The following GRK7 variants were observed in gnomAD, a reference collection of about 807,000 sequenced individuals.
GRK7 encodes rhodopsin kinase GRK7.
A neutral mutation model predicts 34.1 loss-of-function variants in GRK7; 24 were observed. The observed-to-expected ratio is 0.70, with a 90% confidence interval of 0.51 to 0.99. GRK7 has a LOEUF of 0.99. GRK7 is among the 50% of genes least tolerant of loss of function. The pLI is 0.00. For synonymous variants in GRK7, 256 were observed against 279.4 expected, an observed-to-expected ratio of 0.92 and a Z score of 0.84; for missense variants, 644 against 707.3, an observed-to-expected ratio of 0.91 and a Z score of 1.02.
chr3:141,772,016 C>T (rs1432816299), intron 1 of GRK7, among the ~76,000 whole-genome samples: 1 of 152,010 alleles, frequency 6.6e-6, no homozygotes, highest in Non-Finnish European at 1.5e-5. Context: ...ACAACAACAA[C>T]AAAAGTTGTT....
At chr3:141,792,771 T>A (rs903989568) in intron 4 of GRK7, among the ~76,000 whole-genome samples, 2 of 152,196 alleles carry the variant, frequency 1.3e-5, no homozygotes, top group Non-Finnish European at 2.9e-5. Context: ...TATTAATGAG[T>A]TGACTGATGG....
At chr3:141,798,981 A>ACAC (rs1710922192) in intron 4 of GRK7, among the ~76,000 whole-genome samples, 1 of 152,154 alleles carries the variant, frequency 6.6e-6, no homozygotes, top group Non-Finnish European at 1.5e-5. Flanking sequence ...CAGGGGGTCT[A>ACAC]CAGTGCTGTA....
Position 141,778,107 on chromosome 3 carries a change from C to A in GRK7, c.-113-65C>A. 1.4e-6 allele frequency: 1 copy of A among 717,350 alleles called. No homozygotes were observed. The highest frequency in any genetic ancestry group is 2.2e-6 in the Non-Finnish European group (1 of 448,632). The allele number at this position is 717,350 out of a possible 1,614,324, so 44.4% of individuals were successfully genotyped here. On this transcript the variant is annotated intron_variant, in intron 2 of 5. Transcript: ENST00000682958. The surrounding 1 kb of genome is among the most constrained non-coding windows in gnomAD (Gnocchi z 4.1). ...CGTGTGCAGTTCCTGGCGGGCTATACATAGCCAGTCAAAGCTTCTTACAAG... is the reference window on the plus strand; with the variant it reads ...CGTGTGCAGTTCCTGGCGGGCTATAAATAGCCAGTCAAAGCTTCTTACAAG...
intron 5 of GRK7, among the ~76,000 whole-genome samples, chr3:141,812,465 G>T (rs1711102201): frequency 6.6e-6 from 1 of 152,196 alleles, no homozygotes; most frequent in African/African-American, 2.4e-5. Flanking sequence ...CATCATTTTT[G>T]TGGTGGCCCA....
chr3:141,804,803 A>T (rs1251221311), intron 4 of GRK7, among the ~76,000 whole-genome samples: 1 of 142,538 alleles, frequency 7.0e-6, no homozygotes, highest in East Asian at 1.9e-4. Context: ...ACACATACAC[A>T]CATGCACATA....
chr3:141,791,058 T>C (rs1174729688), intron 4 of GRK7, among the ~76,000 whole-genome samples: 1 of 152,214 alleles, frequency 6.6e-6, no homozygotes, highest in Admixed American at 6.5e-5. Flanking sequence ...TCAGGTATTA[T>C]GCAATATGAG....
chr3:141,775,960 AT>A (rs969244636), intron 2 of GRK7, among the ~76,000 whole-genome samples: 2 of 151,960 alleles, frequency 1.3e-5, no homozygotes, highest in East Asian at 3.9e-4. Flanking sequence ...CAGTGAAAGC[AT>A]TTTTTTTCCC....
rs534836669 is a variant in GRK7 at position 141,804,580 on chromosome 3, CACAT to C, written c.1051-3061_1051-3058del. 3.9e-3 allele frequency among the ~76,000 whole-genome samples: 573 copies of C among 148,618 alleles called. 4 individuals are homozygous for C. Among genetic ancestry groups the C allele is most frequent in the African/African-American group, 0.013 (517 of 38,598 alleles). On this transcript the variant is annotated intron_variant, in intron 4 of 5. Coordinates refer to ENST00000682958, the MANE Select transcript of GRK7 (RefSeq NM_139209.3). ...CACATAACACACACATACACATACA[CACAT>C]ACACATACAGGCACTCACACACGCA...
At chr3:141,797,323 C>A (rs1200137328) in intron 4 of GRK7, among the ~76,000 whole-genome samples, 3 of 152,194 alleles carry the variant, frequency 2.0e-5, no homozygotes. Context: ...GCTCCTGATT[C>A]TGCGGCCTGG....
intron 2 of GRK7, among the ~76,000 whole-genome samples, chr3:141,777,189 CTG>C (rs1307256265): frequency 2.6e-5 from 4 of 152,126 alleles, no homozygotes; most frequent in Non-Finnish European, 5.9e-5. Flanking sequence ...GGCGTGCTTT[CTG>C]TCTTTGGGAT....
rs73872312 is a variant in GRK7, at chr3:141,765,218, A to G, written c.-735A>G. Among the ~76,000 whole-genome samples, 11 of 152,220 alleles carry G rather than the reference A, an allele frequency of 7.2e-5. No homozygotes were observed. The highest frequency in any genetic ancestry group is 2.4e-4 in the African/African-American group (10 of 41,530). The stretch of plus-strand genomic sequence containing the variant: ...ACACTGACTTTCTTGCTGTTTCTCA[A>G]GCTCACCAGGATTTGAGCCAGCTGT... On this transcript the variant is annotated 5_prime_UTR_variant, in exon 1 of 6. Coordinates refer to ENST00000682958, the MANE Select transcript of GRK7 (RefSeq NM_139209.3).
intron 2 of GRK7, among the ~76,000 whole-genome samples, chr3:141,776,569 G>A (rs1421169006): frequency 2.0e-5 from 3 of 152,266 alleles, no homozygotes; most frequent in African/African-American, 7.2e-5. Context: ...GGTGCAGATC[G>A]CCCATCTCCA....
At chr3:141,750,528 A>G in the GRK7 span, among the ~76,000 whole-genome samples, 1 of 152,214 alleles carries the variant, frequency 6.6e-6, no homozygotes, top group African/African-American at 2.4e-5. Context: ...ATGAAGATTA[A>G]ATAAATGCAT....
intron 4 of GRK7, among the ~76,000 whole-genome samples, chr3:141,802,128 A>T (rs1295058010): frequency 6.6e-6 from 1 of 152,044 alleles, no homozygotes; most frequent in Non-Finnish European, 1.5e-5. Context: ...CAGCACTTTG[A>T]GAGGCCAAGG....
intron 4 of GRK7, among the ~76,000 whole-genome samples, chr3:141,799,470 G>A (rs1301214161): frequency 6.6e-6 from 1 of 152,042 alleles, no homozygotes; most frequent in Admixed American, 6.6e-5. Context: ...AAATTAGCCG[G>A]GCGTGGTGGT....
chr3:141,809,203 A>AAAT (rs907322737), intron 5 of GRK7, among the ~76,000 whole-genome samples: 23 of 151,820 alleles, frequency 1.5e-4, no homozygotes, highest in East Asian at 3.9e-4. Context: ...CTTCGTCTCA[A>AAAT]AATAATAATA....
the GRK7 span, among the ~76,000 whole-genome samples, chr3:141,757,129 C>CTTTTTTTTTTTTTTTTCTTT: frequency 5.9e-5 from 6 of 101,364 alleles, no homozygotes; most frequent in Non-Finnish European, 9.5e-5. Context: ...AGATCTTCTT[C>CTTTTTTTTTTTTTTTTCTTT]TTTTTTTTTT....
chr3:141,760,097 C>CA (rs1181743710), upstream of GRK7, among the ~76,000 whole-genome samples: 1 of 151,128 alleles, frequency 6.6e-6, no homozygotes, highest in African/African-American at 2.4e-5. Flanking sequence ...TTGATCCTTT[C>CA]AAAAAACCAG....
intron 1 of GRK7, among the ~76,000 whole-genome samples, chr3:141,766,749 T>C (rs1263914539): frequency 6.6e-6 from 1 of 152,282 alleles, no homozygotes; most frequent in East Asian, 1.9e-4. Flanking sequence ...GCTTTTTGTT[T>C]GCTAACATTG....
Sources: gnomAD v4.1 joint callset for allele counts (sites outside exome capture counted in the v4.1 genomes callset) on GRCh38, gnomAD v4.1.1 for gene constraint, Gnocchi (gnomAD v3.1) non-coding constraint, MANE v1.5 for transcripts, NCBI Gene and HGNC (gene_info 2026-07-23, HGNC 2026-07-21) for gene names.